The following ABCA12 variants were observed in gnomAD, a reference collection of about 807,000 sequenced individuals.
ABCA12 encodes glucosylceramide transporter ABCA12.
Under a neutral mutation model 293.5 loss-of-function variants are expected in ABCA12, and 156 were observed. The ratio of observed to expected loss-of-function variants is 0.53; its 90% CI spans 0.47 to 0.61. ABCA12 has a LOEUF of 0.61. Among genes scored for constraint, ABCA12 ranks in the 20% least tolerant of loss-of-function variants. ABCA12 has a pLI of 0.00. For missense variants in ABCA12, 2,797 were observed against 3,090.2 expected, an observed-to-expected ratio of 0.91 and a Z score of 2.25; for synonymous variants, 1,063 against 1,108.0, an observed-to-expected ratio of 0.96 and a Z score of 0.81.
chr2:215,012,038 T>C lies in ABCA12; in HGVS notation c.2054A>G (p.His685Arg). 1 of 1,614,050 alleles carries C rather than the reference T, an allele frequency of 6.2e-7. No individual in the cohort carries two copies. The highest frequency in any genetic ancestry group is 8.5e-7 in the Non-Finnish European group (1 of 1,179,932). Residue 685 changes from histidine (H) to arginine (R), a missense_variant, in exon 16 of 53, where the codon CAT becomes CGT. His to Arg is a conservative substitution (Grantham distance 29). This residue lies in a region of ABCA12 where 2,130 missense variants were observed against 2,427.0 expected (regional missense o/e 0.88). Coordinates refer to ENST00000272895, the MANE Select transcript of ABCA12 (RefSeq NM_173076.3). ...GGATCTCATTTTGTCTAGCAGCGGA[T>C]GTGTGCCAGAAGCCATCTGATTGAG... The part of the protein sequence containing the change: ...EILNQMASGT[H>R]PLLDKMRSLK...
intron 2 of ABCA12, among the ~76,000 whole-genome samples, chr2:215,064,941 A>G (rs1018992271): frequency 6.6e-6 from 1 of 152,018 alleles, no homozygotes. Context: ...TCTCTTTAAA[A>G]TTTAACATTT....
intron 2 of ABCA12, among the ~76,000 whole-genome samples, chr2:215,101,524 A>G (rs1702356709): frequency 6.6e-6 from 1 of 152,200 alleles, no homozygotes; most frequent in Admixed American, 6.5e-5. Context: ...GTAAATCCCC[A>G]AAATAGAGAA....
Position 215,113,478 on chromosome 2 carries a change from A to T in ABCA12, c.70-1788T>A, listed in dbSNP as rs1429141896. ...AAACATACAGATTATGGTTCAGTAG[A>T]TCTGAGGTGGGGGCTGAGATTCTGC... On this transcript the variant is annotated intron_variant, in intron 1 of 52. Transcript: ENST00000272895. Among the ~76,000 whole-genome samples, 6 of 152,310 alleles carry T rather than the reference A, an allele frequency of 3.9e-5. No individual in the cohort carries two copies. In the East Asian group the frequency reaches 1.2e-3, roughly 29 times the overall value.
rs190408315 is a variant in ABCA12, at chr2:215,122,069, T to C, written c.70-10379A>G. 7.2e-5 allele frequency among the ~76,000 whole-genome samples: 11 copies of C among 152,328 alleles called. No homozygotes were observed. The East Asian group carries it at 7.7e-4, about 11-fold the overall frequency. On this transcript the variant is annotated intron_variant, in intron 1 of 52. Transcript: ENST00000272895. The stretch of plus-strand genomic sequence containing the variant: ...GAAAGTTTTGTGAAATCCGTACTTA[T>C]AGATTTGAAATTTAAAGATTGGTAA...
At chr2:215,107,409 C>T (rs2106123552) in intron 2 of ABCA12, among the ~76,000 whole-genome samples, 1 of 152,290 alleles carries the variant, frequency 6.6e-6, no homozygotes, top group East Asian at 1.9e-4. Flanking sequence ...GAAACTACTT[C>T]AAACTTGGCA....
intron 19 of ABCA12, chr2:215,004,729 G>T (rs1357344137): frequency 5.6e-6 from 1 of 177,504 alleles, no homozygotes; most frequent in African/African-American, 2.4e-5. Flanking sequence ...CAACTGATTT[G>T]TATTCAAGTT....
At chr2:215,121,696 G>A (rs1702808168) in intron 1 of ABCA12, among the ~76,000 whole-genome samples, 2 of 152,118 alleles carry the variant, frequency 1.3e-5, no homozygotes, top group Non-Finnish European at 1.5e-5. Context: ...CCCATGTGTT[G>A]TGGAAGGAAA....
At chr2:214,956,845 A>G (rs1348467057) in intron 41 of ABCA12, 67 bp from the exon 42 acceptor site, 15 of 1,127,426 alleles carry the variant, frequency 1.3e-5, no homozygotes, top group Non-Finnish European at 1.7e-5. Flanking sequence ...AAAATCAATA[A>G]CCCATCTAGT....
At chr2:215,047,953 G>A (rs1410774851) in intron 6 of ABCA12, among the ~76,000 whole-genome samples, 1 of 149,290 alleles carries the variant, frequency 6.7e-6, no homozygotes, top group Non-Finnish European at 1.5e-5. Flanking sequence ...ACATCTATAA[G>A]GAAGTTCAAC....
intron 3 of ABCA12, among the ~76,000 whole-genome samples, chr2:215,061,018 T>C (rs1189553222): frequency 6.6e-6 from 1 of 152,020 alleles, no homozygotes; most frequent in Non-Finnish European, 1.5e-5. Flanking sequence ...CTCTAGGGGA[T>C]GATCTTTGCT....
chr2:215,091,093 C>T (rs910291010), intron 2 of ABCA12, among the ~76,000 whole-genome samples: 10 of 152,068 alleles, frequency 6.6e-5, no homozygotes, highest in Non-Finnish European at 1.3e-4. Context: ...TGGTCCCTCC[C>T]TAGTCTCTAC....
chr2:215,021,924 T>C (rs1700638889), intron 11 of ABCA12: 1 of 152,174 alleles, frequency 6.6e-6, no homozygotes, highest in Non-Finnish European at 1.5e-5. Context: ...TTCTACTTAC[T>C]AGTGTTATTG....
At chr2:215,017,973 G>C (rs751222000) in intron 14 of ABCA12, 35 bp downstream of exon 14, 10 of 1,613,542 alleles carry the variant, frequency 6.2e-6, no homozygotes, top group South Asian at 3.3e-5. Flanking sequence ...AAATTTCTAA[G>C]AACTGCATGT....
rs183828773 is a variant in ABCA12, at chr2:215,128,654, T to C, written c.69+9486A>G. Among the ~76,000 whole-genome samples, 16 of 152,288 alleles carry C rather than the reference T, an allele frequency of 1.1e-4. No individual in the cohort carries two copies. In the East Asian group the frequency reaches 3.1e-3, roughly 29 times the overall value. On this transcript the variant is annotated intron_variant, in intron 1 of 52. Transcript: ENST00000272895. ...CCAAAGTTTCCTAATTTTGTATTTT[T>C]TTTTCTTAAAGCTATCTATTTCCTT...
chr2:215,017,151 G>A (rs956183709), intron 14 of ABCA12, among the ~76,000 whole-genome samples: 1 of 152,120 alleles, frequency 6.6e-6, no homozygotes, highest in Non-Finnish European at 1.5e-5. Context: ...TTTTTTAAGG[G>A]GAACCTTAAA....
At chr2:214,942,879 A>G (rs369320690) in intron 50 of ABCA12, 46 bp downstream of exon 50, 2 of 1,514,632 alleles carry the variant, frequency 1.3e-6, no homozygotes, top group African/African-American at 1.4e-5. Context: ...GCACCATTAG[A>G]TAGATGACCC....
chr2:215,014,980 C>T (rs1189894031), intron 15 of ABCA12, among the ~76,000 whole-genome samples: 1 of 152,064 alleles, frequency 6.6e-6, no homozygotes, highest in Non-Finnish European at 1.5e-5. Context: ...GCTGACTTTA[C>T]TAAGCTCTAA....
At chr2:215,134,232 ATATG>A (rs1256336614) in intron 1 of ABCA12, among the ~76,000 whole-genome samples, 7 of 149,794 alleles carry the variant, frequency 4.7e-5, no homozygotes. Flanking sequence ...TAGCATATAT[ATATG>A]TATATGTGTA....
chr2:215,055,812 A>G (rs553988543), intron 3 of ABCA12, among the ~76,000 whole-genome samples: 1 of 152,058 alleles, frequency 6.6e-6, no homozygotes, highest in Non-Finnish European at 1.5e-5. Flanking sequence ...TATATATTTG[A>G]ATTATTCATG....
Sources: allele counts gnomAD v4.1 joint callset (sites outside exome capture counted in the v4.1 genomes callset), GRCh38; gene constraint gnomAD v4.1.1; regional missense constraint gnomAD v4.1.1; transcripts MANE v1.5; gene names NCBI Gene and HGNC (gene_info 2026-07-23, HGNC 2026-07-21).